Variants in CTNNA2 observed in about 807,000 individuals in gnomAD.
CTNNA2 encodes the protein catenin alpha 2, also known as catenin alpha-2.
Under a neutral mutation model 101.0 loss-of-function variants are expected in CTNNA2, and 42 were observed. The ratio of observed to expected loss-of-function variants is 0.42; its 90% CI spans 0.32 to 0.54. CTNNA2 has a LOEUF of 0.54. Among genes scored for constraint, CTNNA2 ranks in the 20% least tolerant of loss-of-function variants. CTNNA2 has a pLI of 0.14. For synonymous variants in CTNNA2, 450 were observed against 456.4 expected, an observed-to-expected ratio of 0.99 and a Z score of 0.18; for missense variants, 871 against 1,223.1, an observed-to-expected ratio of 0.71 and a Z score of 4.29.
chr2:80,596,434 C>G (rs184187398), intron 15 of CTNNA2, among the ~76,000 whole-genome samples: 2 of 150,270 alleles, frequency 1.3e-5, no homozygotes, highest in Non-Finnish European at 3.0e-5. Context: ...CTCAGCCTCC[C>G]GAGTAGCTGG....
chr2:80,375,183 G>T (rs2149339722), intron 7 of CTNNA2, among the ~76,000 whole-genome samples: 1 of 152,250 alleles, frequency 6.6e-6, no homozygotes, highest in Non-Finnish European at 1.5e-5. Flanking sequence ...CATTTAACAG[G>T]CTTTGGTTAA....
chr2:80,500,045 CA>C (rs1232211673), intron 9 of CTNNA2, among the ~76,000 whole-genome samples: 1 of 151,584 alleles, frequency 6.6e-6, no homozygotes, highest in Non-Finnish European at 1.5e-5. Flanking sequence ...AATCCAAATG[CA>C]AAAAATGTTT....
At chr2:79,922,463 C>T (rs929886215) in intron 7 of CTNNA2, among the ~76,000 whole-genome samples, 2 of 152,026 alleles carry the variant, frequency 1.3e-5, no homozygotes, top group Admixed American at 6.6e-5. Flanking sequence ...GTAAATGCTG[C>T]ACCCATGAGA....
At chr2:80,078,047 T>G (rs1698874135) in intron 7 of CTNNA2, among the ~76,000 whole-genome samples, 1 of 152,110 alleles carries the variant, frequency 6.6e-6, no homozygotes, top group Admixed American at 6.5e-5. Flanking sequence ...TGTCCTACAG[T>G]AAAGATATCC....
chr2:80,315,332 AAT>A (rs1251091093), intron 7 of CTNNA2, among the ~76,000 whole-genome samples: 1 of 152,206 alleles, frequency 6.6e-6, no homozygotes, highest in Non-Finnish European at 1.5e-5. Context: ...AGTTTCTGGC[AAT>A]ATGTGTTGGC....
At chr2:80,107,538 C>T (rs913439214) in intron 7 of CTNNA2, among the ~76,000 whole-genome samples, 1 of 152,176 alleles carries the variant, frequency 6.6e-6, no homozygotes, top group Non-Finnish European at 1.5e-5. Flanking sequence ...ATAGCCATTT[C>T]CATCACTTAA....
Position 79,624,912 on chromosome 2 carries a change from C to T in CTNNA2, c.-5-26640C>T, listed in dbSNP as rs189178249. ...GCAATGTATCCCTTGTTCTTGTCTC[C>T]GGAGCCAGGTATGCAAATAATTATG... On this transcript the variant is annotated intron_variant, in intron 1 of 18. Coordinates refer to ENST00000402739, the MANE Select transcript of CTNNA2 (RefSeq NM_001282597.3). 5.9e-5 allele frequency among the ~76,000 whole-genome samples: 9 copies of T among 152,162 alleles called. No individual in the cohort carries two copies. In the East Asian group the frequency reaches 1.2e-3, roughly 20 times the overall value.
intron 1 of CTNNA2, among the ~76,000 whole-genome samples, chr2:79,570,004 A>G (rs911367061): frequency 6.6e-5 from 10 of 152,160 alleles, no homozygotes; most frequent in Non-Finnish European, 1.5e-4. Context: ...CAACAGCATT[A>G]CCTTATAATA....
intron 2 of CTNNA2, among the ~76,000 whole-genome samples, chr2:79,245,349 C>T (rs1292498768): frequency 6.6e-6 from 1 of 152,174 alleles, no homozygotes; most frequent in Non-Finnish European, 1.5e-5. Context: ...ACTCAGAAGG[C>T]TGAGGCACAA....
At chr2:80,612,119 ATC>A (rs1698515906) in intron 17 of CTNNA2, among the ~76,000 whole-genome samples, 2 of 151,516 alleles carry the variant, frequency 1.3e-5, no homozygotes, top group Admixed American at 1.3e-4. Flanking sequence ...CCATTTAAAT[ATC>A]TCTTTTCCAA....
chr2:79,588,384 G>A (rs554291723), intron 1 of CTNNA2, among the ~76,000 whole-genome samples: 1 of 152,164 alleles, frequency 6.6e-6, no homozygotes, highest in Non-Finnish European at 1.5e-5. Context: ...TGTAAGAACA[G>A]TTATTTGTTG....
intron 9 of CTNNA2, among the ~76,000 whole-genome samples, chr2:80,491,854 G>T (rs1313774383): frequency 6.6e-6 from 1 of 152,122 alleles, no homozygotes; most frequent in Non-Finnish European, 1.5e-5. Context: ...TGCAGGATCT[G>T]GTTTTGTTGC....
At chr2:79,917,975 T>A (rs1447654945) in intron 7 of CTNNA2, among the ~76,000 whole-genome samples, 1 of 152,198 alleles carries the variant, frequency 6.6e-6, no homozygotes, top group Non-Finnish European at 1.5e-5. Flanking sequence ...TGTGGGAACA[T>A]GGCAGGTCTT....
At chr2:79,959,296 C>T (rs1274278238) in intron 7 of CTNNA2, among the ~76,000 whole-genome samples, 2 of 152,172 alleles carry the variant, frequency 1.3e-5, no homozygotes, top group Admixed American at 6.5e-5. Flanking sequence ...TCTCCCCTAT[C>T]TACTACTCTA....
chr2:80,343,258 C>A (rs1216729367), intron 7 of CTNNA2, among the ~76,000 whole-genome samples: 1 of 152,074 alleles, frequency 6.6e-6, no homozygotes, highest in Non-Finnish European at 1.5e-5. Context: ...TTAATATTCT[C>A]TTGGCCTAGC....
At chr2:79,521,698 A>G (rs1463296087) in intron 1 of CTNNA2, among the ~76,000 whole-genome samples, 2 of 152,156 alleles carry the variant, frequency 1.3e-5, no homozygotes, top group African/African-American at 2.4e-5. Context: ...ACAATTTGAT[A>G]TAGAGGCCTG....
At chr2:79,779,476 G>A (rs1674258782) in intron 3 of CTNNA2, among the ~76,000 whole-genome samples, 1 of 152,118 alleles carries the variant, frequency 6.6e-6, no homozygotes, top group Admixed American at 6.5e-5. Flanking sequence ...TGGACTAATG[G>A]ACACATGTCA....
At chr2:79,927,312 T>C (rs573293802) in intron 7 of CTNNA2, among the ~76,000 whole-genome samples, 1 of 152,274 alleles carries the variant, frequency 6.6e-6, no homozygotes, top group Non-Finnish European at 1.5e-5. Context: ...ATATATGCAG[T>C]GTTTGGGAAC....
At chr2:80,347,472 G>C (rs1206794312) in intron 7 of CTNNA2, among the ~76,000 whole-genome samples, 3 of 152,186 alleles carry the variant, frequency 2.0e-5, no homozygotes, top group Non-Finnish European at 4.4e-5. Flanking sequence ...CACCAGGGGA[G>C]AGGAGCAGTC....
Sources: gnomAD v4.1 joint callset for allele counts (sites outside exome capture counted in the v4.1 genomes callset) on GRCh38, gnomAD v4.1.1 for gene constraint, MANE v1.5 for transcripts, NCBI Gene and HGNC (gene_info 2026-07-23, HGNC 2026-07-21) for gene names.